Variants in ARHGAP31 observed in about 807,000 individuals in gnomAD.
ARHGAP31 encodes Rho GTPase activating protein 31.
Under a neutral mutation model 113.9 loss-of-function variants are expected in ARHGAP31, and 34 were observed. The observed-to-expected ratio is 0.30, with a 90% CI of 0.23 to 0.40. ARHGAP31 has a LOEUF of 0.40. ARHGAP31 is among the 10% of genes least tolerant of loss of function. The pLI is 1.00. For synonymous variants in ARHGAP31, 650 were observed against 684.8 expected (o/e 0.95, Z 0.79); for missense variants, 1,548 against 1,767.1 (o/e 0.88, Z 2.22).
At chr3:119,365,131 A>G (rs1020659787) in intron 1 of ARHGAP31, among the ~76,000 whole-genome samples, 185 bp from the exon 2 acceptor site, 28 of 152,226 alleles carry the variant, frequency 1.8e-4, no homozygotes, top group African/African-American at 6.3e-4. Context: ...GCAAAGCCCT[A>G]TGATTTTTTT....
chr3:119,354,177 G>A (rs557639803), intron 1 of ARHGAP31, among the ~76,000 whole-genome samples: 1 of 152,318 alleles, frequency 6.6e-6, no homozygotes, highest in African/African-American at 2.4e-5. Context: ...AGCCATCCCA[G>A]GCCAGCAGGT....
chr3:119,345,396 G>C (rs931255323), intron 1 of ARHGAP31, among the ~76,000 whole-genome samples: 1 of 152,156 alleles, frequency 6.6e-6, no homozygotes, highest in Admixed American at 6.5e-5. Flanking sequence ...CAGCACACTG[G>C]GGTTATGGCA....
chr3:119,310,235 A>C (rs1175925143), intron 1 of ARHGAP31, among the ~76,000 whole-genome samples: 1 of 152,186 alleles, frequency 6.6e-6, no homozygotes, highest in Non-Finnish European at 1.5e-5. Context: ...CAGGGGTCAA[A>C]AGAGAAAACC....
chr3:119,324,025 G>A (rs1433465054), intron 1 of ARHGAP31, among the ~76,000 whole-genome samples: 1 of 152,192 alleles, frequency 6.6e-6, no homozygotes, highest in Non-Finnish European at 1.5e-5. Flanking sequence ...TTGCTGCGGA[G>A]ATTTCTTTTT....
chr3:119,394,020 C>T lies in ARHGAP31; in HGVS notation c.1006+429C>T, dbSNP rs62266699. On this transcript the variant is annotated intron_variant, in intron 8 of 11. Coordinates refer to ENST00000264245, the MANE Select transcript of ARHGAP31 (RefSeq NM_020754.4). ...TAGGACAATTCCTCCATCTTTTTGA[C>T]CGTGATAACTTGGAAGAGTACTGGC... Among the ~76,000 whole-genome samples, 423 of 152,264 alleles carry T rather than the reference C, an allele frequency of 2.8e-3. 1 individual carries two copies. Among genetic ancestry groups the T allele is most frequent in the Non-Finnish European group, 4.6e-3 (310 of 68,012 alleles).
intron 6 of ARHGAP31, among the ~76,000 whole-genome samples, chr3:119,388,293 G>T (rs13078821): frequency 1.2e-5 from 1 of 84,606 alleles, no homozygotes; most frequent in Non-Finnish European, 2.4e-5. Context: ...CATATAATAT[G>T]TATATGTATA....
At chr3:119,315,988 G>A (rs898485881) in intron 1 of ARHGAP31, among the ~76,000 whole-genome samples, 4 of 152,160 alleles carry the variant, frequency 2.6e-5, no homozygotes, top group African/African-American at 9.7e-5. Context: ...CACACATGCT[G>A]TATAATGAGG....
At chr3:119,350,697 G>A (rs1186682358) in intron 1 of ARHGAP31, among the ~76,000 whole-genome samples, 1 of 152,174 alleles carries the variant, frequency 6.6e-6, no homozygotes, top group Non-Finnish European at 1.5e-5. Flanking sequence ...GGGGAGTCTA[G>A]CCATAGCAAA....
chr3:119,378,604 A>G (rs2080369318), intron 3 of ARHGAP31, among the ~76,000 whole-genome samples: 1 of 152,172 alleles, frequency 6.6e-6, no homozygotes, highest in African/African-American at 2.4e-5. Context: ...AGAGAGATGA[A>G]GAGAAGCTCC....
chr3:119,304,239 G>A (rs1200008379), intron 1 of ARHGAP31, among the ~76,000 whole-genome samples: 6 of 152,146 alleles, frequency 3.9e-5, no homozygotes, highest in Non-Finnish European at 7.3e-5. Flanking sequence ...TTCAAAGAGG[G>A]AAAACAACTA....
At position 119,402,414 on chromosome 3, in the gene ARHGAP31, G is replaced by T; in HGVS notation, c.1645+17G>T. ...CTTCTGCAGGTAAGTAGAGGAGAGA[G>T]GGTATCTTTCCGTTGCAAGAGAGAA... On this transcript the variant is annotated intron_variant, in intron 10 of 11. Transcript: ENST00000264245. The T allele has an allele frequency of 6.2e-7, 1 of 1,608,608 alleles. No homozygotes were observed. The highest frequency in any genetic ancestry group is 1.1e-5 in the South Asian group (1 of 90,906).
chr3:119,335,696 G>A (rs2079938712), intron 1 of ARHGAP31, among the ~76,000 whole-genome samples: 1 of 152,232 alleles, frequency 6.6e-6, no homozygotes, highest in African/African-American at 2.4e-5. Context: ...GTGGCTGCAA[G>A]GTAAGATAGC....
At chr3:119,356,544 T>A (rs1452633686) in intron 1 of ARHGAP31, among the ~76,000 whole-genome samples, 1 of 151,386 alleles carries the variant, frequency 6.6e-6, no homozygotes, top group Non-Finnish European at 1.5e-5. Flanking sequence ...GGCAGGAGAA[T>A]CACTTGAACC....
At chr3:119,299,106 T>A (rs2079557859) in intron 1 of ARHGAP31, 1 of 152,264 alleles carries the variant, frequency 6.6e-6, no homozygotes, top group African/African-American at 2.4e-5. Flanking sequence ...GTGATATTGC[T>A]TGCTCTGGCC....
Position 119,381,133 on chromosome 3 carries a change from A to G in ARHGAP31, c.431+147A>G. 3.9e-6 allele frequency: 3 copies of G among 773,710 alleles called. No homozygotes were observed. In the South Asian group the frequency reaches 4.4e-5, roughly 11 times the overall value. The allele number at this position is 773,710 out of a possible 1,614,324, so 47.9% of individuals were successfully genotyped here. A position where few individuals can be genotyped will look rare whatever the true frequency, so the allele number is the denominator to read the frequency against. On this transcript the variant is annotated intron_variant, in intron 4 of 11. Transcript: ENST00000264245. ...GCATTTTGAAGTTGGTGAACAGGTCACTATTATCAAAGTGAGTTGGTGTCT... is the reference window on the plus strand; with the variant it reads ...GCATTTTGAAGTTGGTGAACAGGTCGCTATTATCAAAGTGAGTTGGTGTCT...
Position 119,382,380 on chromosome 3 carries a change from T to C in ARHGAP31, c.520T>C (p.Trp174Arg), listed in dbSNP as rs1211414098. The C allele has an allele frequency of 6.2e-7, 1 of 1,614,002 alleles. No individual in the cohort carries two copies. Among genetic ancestry groups the C allele is most frequent in the Non-Finnish European group, 8.5e-7 (1 of 1,180,002 alleles). ...NMHARNLALV[W>R]APNLLRSKEI... ...GCACGCCCGGAACCTGGCCCTGGTG[T>C]GGGCGCCAAACCTCCTCAGGTAACC... The change falls in exon 5 of 12, where the codon TGG (tryptophan) becomes CGG (arginine). Residue 174 changes from tryptophan to arginine, a missense_variant. Transcript: ENST00000264245.
In ARHGAP31 at chr3:119,381,050, C is replaced by A. The variant is rs899654492; in HGVS notation, c.431+64C>A. The A allele has an allele frequency of 6.1e-6, 9 of 1,477,090 alleles. No homozygotes were observed. The South Asian group carries it at 8.0e-5, about 13-fold the overall frequency. 91.5% of individuals were successfully genotyped at this position (1,477,090 alleles called of 1,614,324 possible). A position where few individuals can be genotyped will look rare whatever the true frequency, so the allele number is the denominator to read the frequency against. On this transcript the variant is annotated intron_variant, in intron 4 of 11. Coordinates refer to ENST00000264245, the MANE Select transcript of ARHGAP31 (RefSeq NM_020754.4). ...TGCAGTGTAATACCAAAGAGACAGG[C>A]TGGCATCATGGAAAGGAAACAATGT...
intron 9 of ARHGAP31, among the ~76,000 whole-genome samples, chr3:119,401,166 A>C (rs113431335): frequency 8.9e-6 from 1 of 112,028 alleles, no homozygotes; most frequent in African/African-American, 3.5e-5. Context: ...GCTGTACTCC[A>C]TCTCAAAAAA....
chr3:119,396,909 CCATTT>C (rs2080555215), intron 8 of ARHGAP31, among the ~76,000 whole-genome samples: 1 of 152,080 alleles, frequency 6.6e-6, no homozygotes, highest in Non-Finnish European at 1.5e-5. Context: ...TTAATTGATT[CCATTT>C]AAGTTTTTTG....
Sources: gnomAD v4.1 joint callset for allele counts (sites outside exome capture counted in the v4.1 genomes callset) on GRCh38, gnomAD v4.1.1 for gene constraint, MANE v1.5 for transcripts, NCBI Gene and HGNC (gene_info 2026-07-23, HGNC 2026-07-21) for gene names.